Variants in PAN3 observed in about 807,000 individuals in gnomAD.
PAN3 encodes PAN2-PAN3 deadenylation complex subunit PAN3.
In PAN3, 19 loss-of-function variants were observed where a neutral mutation model predicts 96.2. The ratio of observed to expected loss-of-function variants is 0.20; its 90% CI spans 0.14 to 0.29. The LOEUF (loss-of-function observed/expected upper bound fraction) is 0.29. Ranked by LOEUF, PAN3 falls within the 10% of genes least tolerant of loss-of-function variation. PAN3 has a pLI of 1.00. For missense variants in PAN3, 882 were observed against 1,108.1 expected (o/e 0.80, Z 2.90); for synonymous variants, 433 against 406.6 (o/e 1.06, Z -0.78).
chr13:28,174,936 A>G (rs1208587051), intron 2 of PAN3, among the ~76,000 whole-genome samples: 3 of 152,204 alleles, frequency 2.0e-5, no homozygotes, highest in Non-Finnish European at 4.4e-5. Context: ...AGCATTTTAC[A>G]TTAAAAATGT....
chr13:28,154,531 G>A (rs1372219809), intron 1 of PAN3, among the ~76,000 whole-genome samples: 2 of 151,986 alleles, frequency 1.3e-5, no homozygotes, highest in East Asian at 3.9e-4. Context: ...TTTCACTCTT[G>A]TCGCCCAGGG....
intron 1 of PAN3, among the ~76,000 whole-genome samples, chr13:28,141,454 CTTTTTTTCTTTT>C (rs1442097518): frequency 5.8e-4 from 72 of 123,900 alleles, no homozygotes; most frequent in Admixed American, 1.7e-3. Flanking sequence ...TTTTCTTTTT[CTTTTTTTCTTTT>C]TTTTTTTTTT....
chr13:28,243,731 C>G (rs1883896401), intron 6 of PAN3, among the ~76,000 whole-genome samples: 2 of 152,014 alleles, frequency 1.3e-5, no homozygotes, highest in African/African-American at 4.8e-5. Flanking sequence ...CTCTGTCATC[C>G]AGGCTGGAGT....
intron 5 of PAN3, among the ~76,000 whole-genome samples, chr13:28,209,357 C>T (rs543447237): frequency 4.6e-5 from 7 of 152,344 alleles, no homozygotes; most frequent in East Asian, 3.9e-4. Context: ...TACACACCTG[C>T]GTGCATACGC....
intron 4 of PAN3, among the ~76,000 whole-genome samples, chr13:28,190,334 C>T (rs1877084777): frequency 6.6e-6 from 1 of 152,090 alleles, no homozygotes; most frequent in Non-Finnish European, 1.5e-5. Flanking sequence ...CTTTGAATTC[C>T]TGGGTTAAAG....
At chr13:28,278,918 T>C (rs1461133755) in intron 15 of PAN3, among the ~76,000 whole-genome samples, 3 of 152,062 alleles carry the variant, frequency 2.0e-5, no homozygotes, top group Non-Finnish European at 4.4e-5. Context: ...GACTACTATA[T>C]GCCAAATGCA....
intron 6 of PAN3, among the ~76,000 whole-genome samples, chr13:28,232,172 C>A (rs1451702052): frequency 1.3e-5 from 2 of 152,084 alleles, no homozygotes; most frequent in African/African-American, 4.8e-5. Flanking sequence ...AATTCCTAAT[C>A]CCCCGCAACC....
chr13:28,246,535 A>G (rs1231513336), intron 6 of PAN3, among the ~76,000 whole-genome samples: 2 of 152,064 alleles, frequency 1.3e-5, no homozygotes, highest in African/African-American at 4.8e-5. Context: ...TATTCCTTCT[A>G]ACTGTATTTT....
intron 5 of PAN3, among the ~76,000 whole-genome samples, chr13:28,204,141 C>T (rs887478591): frequency 6.6e-6 from 1 of 152,090 alleles, no homozygotes; most frequent in African/African-American, 2.4e-5. Context: ...TTCATCATCT[C>T]AGCCCAGACA....
intron 5 of PAN3, among the ~76,000 whole-genome samples, chr13:28,198,006 T>G (rs1878266570): frequency 6.6e-6 from 1 of 151,980 alleles, no homozygotes; most frequent in African/African-American, 2.4e-5. Flanking sequence ...GGCATGGTGG[T>G]GCACGCCTGT....
chr13:28,289,422 C>T (rs1869420907), intron 18 of PAN3, among the ~76,000 whole-genome samples: 1 of 152,064 alleles, frequency 6.6e-6, no homozygotes, highest in Non-Finnish European at 1.5e-5. Context: ...GGACCACAGG[C>T]ACACGCCACC....
At chr13:28,254,618 A>G (rs1884992262) in intron 6 of PAN3, among the ~76,000 whole-genome samples, 1 of 152,210 alleles carries the variant, frequency 6.6e-6, no homozygotes, top group Admixed American at 6.5e-5. Context: ...TTAACTGTAC[A>G]ATATAGAGTT....
At chr13:28,274,447 C>T (rs1886893164) in intron 14 of PAN3, among the ~76,000 whole-genome samples, 1 of 151,066 alleles carries the variant, frequency 6.6e-6, no homozygotes, top group African/African-American at 2.4e-5. Flanking sequence ...TTTTTAGAGC[C>T]AGTACCATCA....
chr13:28,161,294 C>T (rs1038950029), intron 1 of PAN3, among the ~76,000 whole-genome samples: 1 of 152,108 alleles, frequency 6.6e-6, no homozygotes, highest in Non-Finnish European at 1.5e-5. Context: ...CTTCTGAGGG[C>T]TGTGGAGGAT....
chr13:28,143,349 A>G (rs953272912), intron 1 of PAN3, among the ~76,000 whole-genome samples: 6 of 152,188 alleles, frequency 3.9e-5, no homozygotes, highest in Non-Finnish European at 8.8e-5. Context: ...TTGACATTTA[A>G]TGATGTAATT....
chr13:28,140,237 CTTGTTAG>C (rs1869524603), intron 1 of PAN3, among the ~76,000 whole-genome samples: 1 of 152,110 alleles, frequency 6.6e-6, no homozygotes, highest in Non-Finnish European at 1.5e-5. Context: ...TGACCTGAAG[CTTGTTAG>C]TTGTTAGTGG....
At chr13:28,237,076 A>G (rs1204056489) in intron 6 of PAN3, among the ~76,000 whole-genome samples, 1 of 152,082 alleles carries the variant, frequency 6.6e-6, no homozygotes, top group African/African-American at 2.4e-5. Flanking sequence ...TTATCTTTTC[A>G]AATATTTATA....
intron 5 of PAN3, chr13:28,214,799 C>T (rs1288631529): frequency 1.3e-5 from 8 of 615,846 alleles, no homozygotes; most frequent in South Asian, 9.9e-5. Context: ...CCCCAGGACA[C>T]AGAGACTTCA....
intron 2 of PAN3, 113 bp downstream of exon 2, chr13:28,174,506 G>C: frequency 8.3e-7 from 1 of 1,208,506 alleles, no homozygotes; most frequent in Non-Finnish European, 1.1e-6. Context: ...ATTTTAGGAG[G>C]CAGTGAGATG....
Sources: allele counts gnomAD v4.1 joint callset (sites outside exome capture counted in the v4.1 genomes callset), GRCh38; gene constraint gnomAD v4.1.1; transcripts MANE v1.5; gene names NCBI Gene and HGNC (gene_info 2026-07-23, HGNC 2026-07-21).